ASIC2: variants seen among roughly 807,000 people sequenced by gnomAD.
ASIC2 encodes acid sensing ion channel subunit 2, also known as acid-sensing ion channel 2.
Under a neutral mutation model 57.3 loss-of-function variants are expected in ASIC2, and 25 were observed. The ratio of observed to expected loss-of-function variants is 0.44; its 90% CI spans 0.32 to 0.61. The LOEUF (loss-of-function observed/expected upper bound fraction) is 0.61, where lower values mean the gene tolerates loss of function less well. Among genes scored for constraint, ASIC2 ranks in the 20% least tolerant of loss-of-function variants. The probability of loss-of-function intolerance (pLI) is 0.06; values close to 1 mark genes in which losing one functional copy is unlikely to be tolerated. For synonymous variants in ASIC2, 319 were observed against 307.5 expected, an observed-to-expected ratio of 1.04 and a Z score of -0.39; for missense variants, 641 against 738.1, an observed-to-expected ratio of 0.87 and a Z score of 1.52.
intron 1 of ASIC2, among the ~76,000 whole-genome samples, chr17:33,663,206 C>T (rs1259312463): frequency 6.6e-6 from 1 of 152,204 alleles, no homozygotes; most frequent in East Asian, 1.9e-4. Flanking sequence ...CTTACCCAAG[C>T]TTTCCAGGTT....
chr17:33,154,108 C>A (rs1904905818), intron 1 of ASIC2, among the ~76,000 whole-genome samples: 1 of 152,132 alleles, frequency 6.6e-6, no homozygotes, highest in African/African-American at 2.4e-5. Context: ...GATGTAGGAC[C>A]AAGACAGTCC....
intron 1 of ASIC2, among the ~76,000 whole-genome samples, chr17:33,636,932 G>T (rs1906390646): frequency 2.6e-5 from 4 of 151,712 alleles, no homozygotes; most frequent in Admixed American, 2.6e-4. Flanking sequence ...CTTTGAAAGA[G>T]AAAAAAGGGG....
intron 1 of ASIC2, among the ~76,000 whole-genome samples, chr17:33,332,149 T>C (rs1345854582): frequency 1.3e-5 from 2 of 152,196 alleles, no homozygotes; most frequent in South Asian, 2.1e-4. Flanking sequence ...CATATACCCG[T>C]TCGTGTTATG....
At chr17:33,049,093 T>C (rs2091965733) in intron 3 of ASIC2, among the ~76,000 whole-genome samples, 1 of 152,196 alleles carries the variant, frequency 6.6e-6, no homozygotes, top group Non-Finnish European at 1.5e-5. Flanking sequence ...GACTTTGGTA[T>C]TAGGCAGGTC....
At chr17:33,464,434 T>A (rs1912741484) in intron 1 of ASIC2, among the ~76,000 whole-genome samples, 1 of 151,872 alleles carries the variant, frequency 6.6e-6, no homozygotes, top group African/African-American at 2.4e-5. Context: ...GACTTCTACA[T>A]CATTCTACAC....
chr17:33,418,364 T>C (rs1910931763), intron 1 of ASIC2, among the ~76,000 whole-genome samples: 1 of 151,668 alleles, frequency 6.6e-6, no homozygotes, highest in African/African-American at 2.4e-5. Flanking sequence ...TTGTGCTCCC[T>C]GTTAAAAAAA....
chr17:33,890,362 G>C (rs145857790), intron 1 of ASIC2, among the ~76,000 whole-genome samples: 2 of 152,328 alleles, frequency 1.3e-5, no homozygotes, highest in African/African-American at 4.8e-5. Flanking sequence ...TGGGTCATTT[G>C]CATTTCCTCA....
At chr17:34,131,875 C>A (rs1418114543) in intron 1 of ASIC2, among the ~76,000 whole-genome samples, 1 of 152,200 alleles carries the variant, frequency 6.6e-6, no homozygotes, top group Non-Finnish European at 1.5e-5. Flanking sequence ...TGCTGGCCCA[C>A]TGACGAATTA....
intron 1 of ASIC2, among the ~76,000 whole-genome samples, chr17:33,587,925 A>G (rs761685950): frequency 2.6e-4 from 39 of 152,212 alleles, no homozygotes; most frequent in Non-Finnish European, 4.4e-4. Flanking sequence ...AACTTCAGGC[A>G]AGTAGATCTC....
At chr17:34,105,204 C>T (rs1469144742) in intron 1 of ASIC2, among the ~76,000 whole-genome samples, 1 of 151,950 alleles carries the variant, frequency 6.6e-6, no homozygotes, top group Non-Finnish European at 1.5e-5. Context: ...GGCGTTTGCT[C>T]ATTTCATCTG....
At chr17:33,114,980 T>G (rs1046065867) in intron 1 of ASIC2, among the ~76,000 whole-genome samples, 1 of 152,158 alleles carries the variant, frequency 6.6e-6, no homozygotes, top group African/African-American at 2.4e-5. Flanking sequence ...GCAGATACAG[T>G]GGGAATGGAA....
At chr17:33,361,874 A>G (rs1444641918) in intron 1 of ASIC2, among the ~76,000 whole-genome samples, 1 of 152,180 alleles carries the variant, frequency 6.6e-6, no homozygotes, top group Non-Finnish European at 1.5e-5. Context: ...TCCTCTGTGT[A>G]TCTGGCATCT....
chr17:33,381,515 G>T (rs1204612078), intron 1 of ASIC2, among the ~76,000 whole-genome samples: 1 of 152,222 alleles, frequency 6.6e-6, no homozygotes, highest in East Asian at 1.9e-4. Context: ...TAGGGAAAAT[G>T]CTGGCCCTGG....
intron 1 of ASIC2, among the ~76,000 whole-genome samples, chr17:33,509,222 G>T (rs1012037156): frequency 6.6e-6 from 1 of 152,116 alleles, no homozygotes; most frequent in Admixed American, 6.6e-5. Context: ...GATCACACCT[G>T]CCTAGAACTG....
intron 2 of ASIC2, chr17:33,100,298 G>A (rs2092206642): frequency 6.6e-6 from 1 of 152,310 alleles, no homozygotes; most frequent in African/African-American, 2.4e-5. Context: ...CTTAGATACA[G>A]ATGCCCTTGC....
intron 1 of ASIC2, among the ~76,000 whole-genome samples, chr17:33,348,249 C>A (rs1900207409): frequency 6.6e-6 from 1 of 152,060 alleles, no homozygotes; most frequent in Non-Finnish European, 1.5e-5. Flanking sequence ...GTGAAGGGGG[C>A]TTTGATCCAG....
intron 1 of ASIC2, among the ~76,000 whole-genome samples, chr17:33,593,454 T>C (rs747883187): frequency 4.6e-5 from 7 of 152,240 alleles, no homozygotes; most frequent in Non-Finnish European, 8.8e-5. Flanking sequence ...AGAAATCATC[T>C]CTTTCAGGAT....
At chr17:34,023,956 C>A (rs1011296687) in intron 1 of ASIC2, among the ~76,000 whole-genome samples, 1 of 152,174 alleles carries the variant, frequency 6.6e-6, no homozygotes. Flanking sequence ...CAGATCTAAT[C>A]TCATTCAACC....
In ASIC2 at chr17:33,868,350, G is replaced by T. The variant is rs1914301258; in HGVS notation, c.555+287628C>A. ...ACAATGGGTATGCCTGTGTTCCAAT[G>T]AAACTTTATTTACAAAAATAAATGA... is the stretch of plus-strand genomic sequence containing the variant. On this transcript the variant is annotated intron_variant, in intron 1 of 9. Coordinates refer to the ASIC2 transcript ENST00000359872. 2.6e-5 allele frequency among the ~76,000 whole-genome samples: 4 copies of T among 152,030 alleles called. No individual in the cohort carries two copies. The South Asian group carries it at 8.3e-4, about 32-fold the overall frequency.
Sources: allele counts gnomAD v4.1 joint callset (sites outside exome capture counted in the v4.1 genomes callset), GRCh38; gene constraint gnomAD v4.1.1; transcripts MANE v1.5; gene names NCBI Gene and HGNC (gene_info 2026-07-23, HGNC 2026-07-21).